CCSER1: variants seen among roughly 807,000 people sequenced by gnomAD.
CCSER1 encodes the protein coiled-coil serine rich protein 1.
In CCSER1, 41 loss-of-function variants were observed where a neutral mutation model predicts 82.0. The observed-to-expected ratio is 0.50, with a 90% confidence interval of 0.39 to 0.65. The LOEUF is 0.65. CCSER1 is among the 30% of genes least tolerant of loss of function. The probability of loss-of-function intolerance (pLI) is 0.00; values close to 1 mark genes in which losing one functional copy is unlikely to be tolerated. For synonymous variants in CCSER1, 414 were observed against 383.9 expected, an observed-to-expected ratio of 1.08 and a Z score of -0.92; for missense variants, 1,119 against 1,064.2, an observed-to-expected ratio of 1.05 and a Z score of -0.72.
chr4:91,180,844 C>T (rs184176808), intron 10 of CCSER1, among the ~76,000 whole-genome samples: 64 of 152,334 alleles, frequency 4.2e-4, no homozygotes, highest in African/African-American at 1.4e-3. Flanking sequence ...TTATTAACAG[C>T]AAACCAGTCA....
intron 7 of CCSER1, among the ~76,000 whole-genome samples, chr4:90,751,009 A>C (rs1006189215): frequency 2.0e-5 from 3 of 152,264 alleles, no homozygotes; most frequent in Non-Finnish European, 4.4e-5. Flanking sequence ...GCTGAAAATA[A>C]CTTTTTTTAA....
intron 10 of CCSER1, among the ~76,000 whole-genome samples, chr4:91,228,065 A>C (rs1738345853): frequency 6.6e-6 from 1 of 152,064 alleles, no homozygotes; most frequent in African/African-American, 2.4e-5. Flanking sequence ...GTACTTGACC[A>C]CATTTACTCA....
At chr4:90,810,309 A>G (rs1389187011) in intron 7 of CCSER1, among the ~76,000 whole-genome samples, 2 of 152,110 alleles carry the variant, frequency 1.3e-5, no homozygotes, top group African/African-American at 4.8e-5. Context: ...GGTGCTAGTA[A>G]TATGGTAATG....
intron 6 of CCSER1, among the ~76,000 whole-genome samples, chr4:90,642,997 T>C (rs997516428): frequency 6.6e-6 from 1 of 152,030 alleles, no homozygotes; most frequent in African/African-American, 2.4e-5. Context: ...CGTGTGAACA[T>C]AAGTAGACCC....
chr4:91,516,458 T>C (rs1760131351), intron 10 of CCSER1, among the ~76,000 whole-genome samples: 1 of 152,222 alleles, frequency 6.6e-6, no homozygotes, highest in Non-Finnish European at 1.5e-5. Context: ...ATTTATTGAA[T>C]AGGAATACCT....
intron 5 of CCSER1, among the ~76,000 whole-genome samples, chr4:90,612,791 C>A (rs558842636): frequency 1.3e-5 from 2 of 152,048 alleles, no homozygotes; most frequent in Admixed American, 6.6e-5. Context: ...TTGGATAATA[C>A]GTACTCTGTT....
At chr4:90,571,968 A>G (rs779072488) in intron 5 of CCSER1, among the ~76,000 whole-genome samples, 3 of 152,192 alleles carry the variant, frequency 2.0e-5, no homozygotes, top group Non-Finnish European at 4.4e-5. Context: ...TACTTGTACC[A>G]GTATTTTATA....
intron 1 of CCSER1, among the ~76,000 whole-genome samples, chr4:90,209,556 A>G (rs1020555354): frequency 6.6e-6 from 1 of 152,134 alleles, no homozygotes; most frequent in Non-Finnish European, 1.5e-5. Context: ...CCTAAAAAAT[A>G]ATACTAGATT....
At chr4:90,249,539 C>T (rs957174815) in intron 1 of CCSER1, among the ~76,000 whole-genome samples, 1 of 152,144 alleles carries the variant, frequency 6.6e-6, no homozygotes, top group South Asian at 2.1e-4. Context: ...AATATATTTT[C>T]TGTCTCTATA....
chr4:91,304,415 C>G (rs977523881), intron 10 of CCSER1, among the ~76,000 whole-genome samples: 1 of 152,008 alleles, frequency 6.6e-6, no homozygotes, highest in Non-Finnish European at 1.5e-5. Context: ...CATTAGTTAA[C>G]TTTGTCAGGC....
chr4:91,171,115 G>T (rs960559027), intron 10 of CCSER1, among the ~76,000 whole-genome samples: 1 of 152,014 alleles, frequency 6.6e-6, no homozygotes, highest in East Asian at 1.9e-4. Flanking sequence ...AAACATATTT[G>T]CAAAGTAATC....
intron 9 of CCSER1, among the ~76,000 whole-genome samples, chr4:90,993,608 G>A (rs1483848219): frequency 1.3e-5 from 2 of 151,968 alleles, no homozygotes; most frequent in African/African-American, 4.8e-5. Context: ...CATGGTTCTG[G>A]AGGCTAGGAA....
At chr4:90,955,241 A>G (rs1004010416) in intron 9 of CCSER1, among the ~76,000 whole-genome samples, 1 of 152,174 alleles carries the variant, frequency 6.6e-6, no homozygotes, top group Non-Finnish European at 1.5e-5. Flanking sequence ...ACACCCTATG[A>G]ATGAAGGATA....
At chr4:90,887,571 A>T (rs1486836628) in intron 8 of CCSER1, among the ~76,000 whole-genome samples, 1 of 152,120 alleles carries the variant, frequency 6.6e-6, no homozygotes, top group Non-Finnish European at 1.5e-5. Context: ...TCTAGAAGAG[A>T]TGTTAAATCT....
At chr4:90,871,223 A>G (rs942355721) in intron 8 of CCSER1, among the ~76,000 whole-genome samples, 2 of 151,322 alleles carry the variant, frequency 1.3e-5, no homozygotes, top group African/African-American at 4.8e-5. Context: ...CTAATTTTAC[A>G]TTTGCGATTT....
chr4:90,495,569 A>G (rs1768854297), intron 5 of CCSER1, among the ~76,000 whole-genome samples: 1 of 152,222 alleles, frequency 6.6e-6, no homozygotes, highest in Admixed American at 6.5e-5. Context: ...AAAATATAAT[A>G]CAATTAATTA....
chr4:90,288,369 T>C (rs543237012), intron 1 of CCSER1, among the ~76,000 whole-genome samples: 1 of 152,128 alleles, frequency 6.6e-6, no homozygotes, highest in African/African-American at 2.4e-5. Context: ...AGCTCAAATA[T>C]CACCACCTCC....
chr4:91,412,431 GA>G (rs1753108855), intron 10 of CCSER1, among the ~76,000 whole-genome samples: 1 of 151,982 alleles, frequency 6.6e-6, no homozygotes, highest in Non-Finnish European at 1.5e-5. Context: ...ATCTCTTCCA[GA>G]AACCTGGAAG....
rs762008135 is a variant in CCSER1, at chr4:91,002,846, T to G, written c.2172+79399T>G. Among the ~76,000 whole-genome samples the G allele has an allele frequency of 7.0e-4, 106 of 152,196 alleles. 2 individuals are homozygous for G. The highest frequency in any genetic ancestry group is 1.4e-3 in the Non-Finnish European group (94 of 68,036). On this transcript the variant is annotated intron_variant, in intron 9 of 10. Coordinates refer to ENST00000509176, the MANE Select transcript of CCSER1 (RefSeq NM_001145065.2). Reference sequence around the variant, plus strand: ...CCATGTTTTGTCATAGTACCAGAATTGTTTTTTCTGGTTCCTTCTCATTTG... The same window carrying G: ...CCATGTTTTGTCATAGTACCAGAATGGTTTTTTCTGGTTCCTTCTCATTTG...
Sources: gnomAD v4.1 joint callset for allele counts (sites outside exome capture counted in the v4.1 genomes callset) on GRCh38, gnomAD v4.1.1 for gene constraint, MANE v1.5 for transcripts, NCBI Gene and HGNC (gene_info 2026-07-23, HGNC 2026-07-21) for gene names.